Variants in TBL1XR1 observed in about 807,000 individuals in gnomAD.
The protein encoded by TBL1XR1 is TBL1X/Y related 1, also known as F-box-like/WD repeat-containing protein TBL1XR1.
TBL1XR1 carries 5 observed loss-of-function variants against 66.9 expected under a neutral mutation model. The observed-to-expected ratio is 0.07, with a 90% CI of 0.04 to 0.16. TBL1XR1 has a LOEUF of 0.16. TBL1XR1 is among the 10% of genes least tolerant of loss of function. The pLI, the probability that TBL1XR1 is intolerant of heterozygous loss-of-function variation, is 1.00. For missense variants in TBL1XR1, 238 were observed against 623.2 expected (o/e 0.38, Z 6.58); for synonymous variants, 210 against 206.0 (o/e 1.02, Z -0.17).
At chr3:177,082,862 T>C (rs531936454) in intron 2 of TBL1XR1, among the ~76,000 whole-genome samples, 41 of 148,656 alleles carry the variant, frequency 2.8e-4, no homozygotes, top group Admixed American at 7.4e-4. Flanking sequence ...TTCACGCCAT[T>C]CTCCTGCCTC....
intron 1 of TBL1XR1, among the ~76,000 whole-genome samples, chr3:177,125,171 A>G (rs561240442): frequency 6.6e-6 from 1 of 152,336 alleles, no homozygotes; most frequent in East Asian, 1.9e-4. Flanking sequence ...CATATCACAG[A>G]TATGAATCAT....
At chr3:177,073,635 G>A (rs191189619) in intron 2 of TBL1XR1, among the ~76,000 whole-genome samples, 8 of 152,112 alleles carry the variant, frequency 5.3e-5, no homozygotes, top group African/African-American at 7.2e-5. Flanking sequence ...TACACTACAC[G>A]CCTGCCACTG....
chr3:177,052,517 T>C (rs1717229719), intron 4 of TBL1XR1, among the ~76,000 whole-genome samples: 3 of 152,192 alleles, frequency 2.0e-5, no homozygotes, highest in Admixed American at 2.0e-4. Context: ...GAAAGTATTT[T>C]AACTTATAAA....
intron 2 of TBL1XR1, among the ~76,000 whole-genome samples, chr3:177,066,721 A>G (rs532790246): frequency 6.6e-6 from 1 of 152,316 alleles, no homozygotes; most frequent in African/African-American, 2.4e-5. Flanking sequence ...GGGGTTCCAA[A>G]AATATTTAGA....
intron 1 of TBL1XR1, among the ~76,000 whole-genome samples, chr3:177,179,781 GGAGCCAACCAACC>G (rs1294892398): frequency 6.6e-6 from 1 of 152,158 alleles, no homozygotes; most frequent in African/African-American, 2.4e-5. Context: ...TCAGAACAAA[GGAGCCAACCAACC>G]GATATATCTA....
At chr3:177,128,498 C>T (rs541416292) in intron 1 of TBL1XR1, among the ~76,000 whole-genome samples, 4 of 152,282 alleles carry the variant, frequency 2.6e-5, no homozygotes, top group Admixed American at 1.3e-4. Flanking sequence ...CTCAGTCCCC[C>T]AAGTAGCTAG....
At chr3:177,046,743 T>C (rs1014590154) in intron 9 of TBL1XR1, among the ~76,000 whole-genome samples, 3 of 151,850 alleles carry the variant, frequency 2.0e-5, no homozygotes, top group African/African-American at 4.9e-5. Flanking sequence ...TCTCTGAATT[T>C]TATAAAGAGT....
intron 1 of TBL1XR1, among the ~76,000 whole-genome samples, chr3:177,101,397 T>C (rs945262203): frequency 1.3e-5 from 2 of 152,218 alleles, no homozygotes; most frequent in Non-Finnish European, 2.9e-5. Context: ...GAATACATGC[T>C]GTGTTTTAAT....
chr3:177,023,561 G>A lies in TBL1XR1; in HGVS notation c.*1937C>T, dbSNP rs1712670576. ...GTAAATTTTTAAAAATATTATTACA[G>A]TATCATAGTCCCCACTAACAACAAC... On this transcript the variant is annotated 3_prime_UTR_variant, in exon 16 of 16. Transcript: ENST00000457928. The A allele has an allele frequency of 6.6e-6, 1 of 152,458 alleles. No individual in the cohort carries two copies. The highest frequency in any genetic ancestry group is 6.6e-5 in the Admixed American group (1 of 15,244). The allele number at this position is 152,458 out of a possible 1,614,324, so 9.4% of individuals were successfully genotyped here. A position where few individuals can be genotyped will look rare whatever the true frequency, so the allele number is the denominator to read the frequency against.
intron 1 of TBL1XR1, among the ~76,000 whole-genome samples, chr3:177,114,693 T>C (rs1726087664): frequency 6.6e-6 from 1 of 150,872 alleles, no homozygotes; most frequent in African/African-American, 2.4e-5. Flanking sequence ...AAAAAAAGTT[T>C]GGCCAGATAC....
chr3:177,109,084 C>T (rs1414690533), intron 1 of TBL1XR1, among the ~76,000 whole-genome samples: 3 of 152,030 alleles, frequency 2.0e-5, no homozygotes, highest in Admixed American at 1.3e-4. Flanking sequence ...TCTAACAATC[C>T]TAAATCATAA....
rs536115516 is a variant in TBL1XR1, at chr3:177,059,768, G to C, written c.58+5152C>G. ...ATTGTTCCTGGATATAATTGTGAGA[G>C]TATGCCAAAGGAGATTAACATTTGA... On this transcript the variant is annotated intron_variant, in intron 3 of 15. Coordinates refer to ENST00000457928, the MANE Select transcript of TBL1XR1 (RefSeq NM_024665.7). 4.6e-5 allele frequency among the ~76,000 whole-genome samples: 7 copies of C among 152,286 alleles called. No homozygotes were observed. In the South Asian group the frequency reaches 1.5e-3, roughly 32 times the overall value.
At position 177,024,340 on chromosome 3, in the gene TBL1XR1, C is replaced by T. The variant is rs984432066; in HGVS notation, c.*1158G>A. On this transcript the variant is annotated 3_prime_UTR_variant, in exon 16 of 16. Transcript: ENST00000457928. ...TAATGGCAGTGTTATATGCCGTTAT[C>T]TTGCTTTGTATAAAGAAAACAACAT... 1 of 152,508 alleles carries T rather than the reference C, an allele frequency of 6.6e-6. No individual in the cohort carries two copies. Among genetic ancestry groups the T allele is most frequent in the African/African-American group, 2.4e-5 (1 of 41,422 alleles). 9.4% of individuals were successfully genotyped at this position (152,508 alleles called of 1,614,324 possible).
intron 3 of TBL1XR1, 126 bp from the exon 4 acceptor site, chr3:177,054,044 TCGTG>T: frequency 3.6e-6 from 3 of 843,664 alleles, no homozygotes; most frequent in South Asian, 1.8e-5. Flanking sequence ...CAGACGAAGG[TCGTG>T]TGTGTGTGTG....
intron 1 of TBL1XR1, among the ~76,000 whole-genome samples, chr3:177,144,914 T>C (rs1037004180): frequency 1.7e-4 from 26 of 152,218 alleles, no homozygotes; most frequent in African/African-American, 6.0e-4. Context: ...CTTTATTCAA[T>C]TATTTTAAAT....
At chr3:177,152,217 C>T (rs916539360) in intron 1 of TBL1XR1, among the ~76,000 whole-genome samples, 2 of 152,284 alleles carry the variant, frequency 1.3e-5, no homozygotes, top group East Asian at 1.9e-4. Context: ...GTCCACGGAA[C>T]CTTTTAAGTT....
intron 1 of TBL1XR1, among the ~76,000 whole-genome samples, chr3:177,177,631 A>G (rs1024467241): frequency 2.6e-5 from 4 of 152,298 alleles, no homozygotes; most frequent in African/African-American, 9.6e-5. Flanking sequence ...TTCAACATTT[A>G]GTAAAACCTC....
intron 2 of TBL1XR1, among the ~76,000 whole-genome samples, chr3:177,082,749 T>TATATATATATATATATAC (rs1721581116): frequency 8.7e-6 from 1 of 115,426 alleles, no homozygotes; most frequent in Non-Finnish European, 1.8e-5. Context: ...TATATATATA[T>TATATATATATATATATAC]ATATATATAT....
At chr3:177,098,026 G>A (rs939683378) in intron 2 of TBL1XR1, among the ~76,000 whole-genome samples, 1 of 152,032 alleles carries the variant, frequency 6.6e-6, no homozygotes, top group African/African-American at 2.4e-5. Context: ...GGCCAACATG[G>A]TGAAATCCTG....
Sources: gnomAD v4.1 joint callset for allele counts (sites outside exome capture counted in the v4.1 genomes callset) on GRCh38, gnomAD v4.1.1 for gene constraint, MANE v1.5 for transcripts, NCBI Gene and HGNC (gene_info 2026-07-23, HGNC 2026-07-21) for gene names.